ZMYM2: variants seen among roughly 807,000 people sequenced by gnomAD.
The protein encoded by ZMYM2 is zinc finger MYM-type containing 2.
In ZMYM2, 56 loss-of-function variants were observed where a neutral mutation model predicts 162.8. The observed-to-expected ratio is 0.34, with a 90% CI of 0.28 to 0.43. The LOEUF (loss-of-function observed/expected upper bound fraction) is 0.43. ZMYM2 is among the 20% of genes least tolerant of loss of function. ZMYM2 has a pLI of 1.00. For missense variants in ZMYM2, 1,275 were observed against 1,621.8 expected, an observed-to-expected ratio of 0.79 and a Z score of 3.67; for synonymous variants, 510 against 541.6, an observed-to-expected ratio of 0.94 and a Z score of 0.81.
In ZMYM2 at chr13:19,993,451, A is replaced by G. The variant is rs1158942550; in HGVS notation, c.379A>G (p.Thr127Ala). The change falls in exon 3 of 25, where the codon ACA becomes GCA. Residue 127 changes from threonine (T) to alanine (A), a missense_variant. This residue lies in a region of ZMYM2 where 295 missense variants were observed against 286.7 expected (regional missense o/e 1.03). Transcript: ENST00000610343. ...IVIDDEEDME[T>A]NQGQEKNSSN... Reference sequence around the variant, plus strand: ...CATTGATGATGAAGAGGACATGGAAACAAATCAAGGGCAAGAGAAAAATTC... The same window carrying G: ...CATTGATGATGAAGAGGACATGGAAGCAAATCAAGGGCAAGAGAAAAATTC... 1 of 1,614,064 alleles carries G rather than the reference A, an allele frequency of 6.2e-7. No homozygotes were observed.
At chr13:20,048,824 CT>C (rs1376743304) in intron 12 of ZMYM2, among the ~76,000 whole-genome samples, 21 of 150,284 alleles carry the variant, frequency 1.4e-4, no homozygotes, top group Non-Finnish European at 2.2e-4. Flanking sequence ...TTTTTTCCCC[CT>C]CCCTCTTAGT....
chr13:19,931,032 G>C, the ZMYM2 span, among the ~76,000 whole-genome samples: 6 of 151,400 alleles, frequency 4.0e-5, no homozygotes, highest in Admixed American at 2.6e-4. Context: ...CTAGCTACTT[G>C]GGGGGCTGAG....
chr13:20,061,344 A>C, intron 17 of ZMYM2, 120 bp downstream of exon 17: 2 of 1,131,342 alleles, frequency 1.8e-6, no homozygotes, highest in East Asian at 2.6e-5. Context: ...TGAGGAAAGC[A>C]TTGTAACAAA....
the ZMYM2 span, among the ~76,000 whole-genome samples, chr13:19,901,786 A>T: frequency 5.9e-5 from 9 of 151,788 alleles, no homozygotes; most frequent in Admixed American, 1.3e-4. Context: ...AACTTTTTTT[A>T]AAAAAGGAGC....
the ZMYM2 span, among the ~76,000 whole-genome samples, chr13:19,901,515 G>C: frequency 5.4e-4 from 80 of 147,758 alleles, no homozygotes; most frequent in Non-Finnish European, 1.0e-3. Flanking sequence ...TTTTTTTTTT[G>C]AGATGGAGTC....
intron 2 of ZMYM2, among the ~76,000 whole-genome samples, chr13:19,976,148 G>A (rs889761083): frequency 1.3e-5 from 2 of 152,004 alleles, no homozygotes; most frequent in African/African-American, 2.4e-5. Context: ...CCTGCCCAAC[G>A]TGGTAAACAT....
chr13:19,925,835 C>T, the ZMYM2 span, among the ~76,000 whole-genome samples: 3 of 146,496 alleles, frequency 2.0e-5, no homozygotes, highest in African/African-American at 5.1e-5. Flanking sequence ...TGTGCCTCTG[C>T]ACTCCAACCC....
chr13:19,944,615 A>G, the ZMYM2 span, among the ~76,000 whole-genome samples: 2 of 152,168 alleles, frequency 1.3e-5, no homozygotes, highest in East Asian at 3.8e-4. Context: ...TTGAGCAGGT[A>G]GGGGGAGTCT....
intron 5 of ZMYM2, 134 bp downstream of exon 5, chr13:20,005,373 A>G (rs915666454): frequency 6.5e-6 from 4 of 616,486 alleles, no homozygotes; most frequent in Middle Eastern, 4.6e-4. Context: ...TAAATATCCT[A>G]TTATGTAATC....
intron 2 of ZMYM2, among the ~76,000 whole-genome samples, chr13:19,984,750 A>G (rs564293728): frequency 8.5e-5 from 13 of 152,250 alleles, no homozygotes; most frequent in Non-Finnish European, 1.3e-4. Flanking sequence ...TTTACAGTCT[A>G]TGATTTTAAG....
intron 2 of ZMYM2, among the ~76,000 whole-genome samples, chr13:19,972,871 C>T (rs991125375): frequency 2.1e-4 from 31 of 150,862 alleles, no homozygotes; most frequent in African/African-American, 7.6e-4. Context: ...GTACAAGTAT[C>T]GATTTTTTGT....
intron 4 of ZMYM2, among the ~76,000 whole-genome samples, chr13:20,003,743 G>C (rs927977528): frequency 4.6e-5 from 7 of 151,736 alleles, no homozygotes; most frequent in African/African-American, 1.7e-4. Flanking sequence ...CCACCTCCTG[G>C]GTTCAAGCAG....
the ZMYM2 span, among the ~76,000 whole-genome samples, chr13:19,876,786 C>G: frequency 6.6e-6 from 1 of 152,148 alleles, no homozygotes; most frequent in Non-Finnish European, 1.5e-5. Context: ...AAGCTCTGTA[C>G]CTATTAGACA....
intron 2 of ZMYM2, among the ~76,000 whole-genome samples, chr13:19,985,106 C>T (rs1475671020): frequency 6.6e-6 from 1 of 151,988 alleles, no homozygotes; most frequent in South Asian, 2.1e-4. Context: ...GAATGTTAAC[C>T]GCAAATTCAG....
the ZMYM2 span, among the ~76,000 whole-genome samples, chr13:19,881,760 G>A: frequency 6.6e-6 from 1 of 152,034 alleles, no homozygotes; most frequent in African/African-American, 2.4e-5. Context: ...GAGGCAGGTG[G>A]ATCACTTTGA....
At chr13:20,084,500 A>G (rs537088483) in intron 24 of ZMYM2, among the ~76,000 whole-genome samples, 99 of 152,346 alleles carry the variant, frequency 6.5e-4, no homozygotes, top group African/African-American at 2.3e-3. Flanking sequence ...GCTGTGTTAT[A>G]ATAAAACTTC....
chr13:20,078,643 A>G (rs1217835441), intron 21 of ZMYM2, among the ~76,000 whole-genome samples: 2 of 152,144 alleles, frequency 1.3e-5, no homozygotes, highest in Admixed American at 6.5e-5. Context: ...TTGCCCTACA[A>G]AGCATTTTTT....
the ZMYM2 span, among the ~76,000 whole-genome samples, chr13:19,889,218 T>A: frequency 6.6e-6 from 1 of 151,996 alleles, no homozygotes; most frequent in African/African-American, 2.4e-5. Context: ...TTACTGGAGA[T>A]ACCTTGCGCC....
At chr13:20,009,462 G>A (rs892937298) in intron 6 of ZMYM2, among the ~76,000 whole-genome samples, 1 of 152,148 alleles carries the variant, frequency 6.6e-6, no homozygotes, top group Non-Finnish European at 1.5e-5. Flanking sequence ...AAGTATATAA[G>A]TGAGTGGCAT....
Sources: allele counts gnomAD v4.1 joint callset (sites outside exome capture counted in the v4.1 genomes callset), GRCh38; gene constraint gnomAD v4.1.1; regional missense constraint gnomAD v4.1.1; transcripts MANE v1.5; gene names NCBI Gene and HGNC (gene_info 2026-07-23, HGNC 2026-07-21).